Variants in RBMS3 observed in about 807,000 individuals in gnomAD.
The protein encoded by RBMS3 is RNA binding motif single stranded interacting protein 3, also known as RNA-binding motif, single-stranded-interacting protein 3.
RBMS3 carries 27 observed loss-of-function variants against 66.8 expected under a neutral mutation model. The ratio of observed to expected loss-of-function variants is 0.40; its 90% CI spans 0.30 to 0.56. RBMS3 has a LOEUF of 0.56. Ranked by LOEUF, RBMS3 falls within the 20% of genes least tolerant of loss-of-function variation. The pLI, the probability that RBMS3 is intolerant of heterozygous loss-of-function variation, is 0.40. For missense variants in RBMS3, 513 were observed against 549.5 expected (o/e 0.93, Z 0.66); for synonymous variants, 188 against 183.0 (o/e 1.03, Z -0.22).
At chr3:29,714,149 G>A (rs2053291579) in intron 4 of RBMS3, among the ~76,000 whole-genome samples, 1 of 140,278 alleles carries the variant, frequency 7.1e-6, no homozygotes, top group South Asian at 2.1e-4. Flanking sequence ...CTAGGGGCTG[G>A]GGCCATATCA....
intron 1 of RBMS3, among the ~76,000 whole-genome samples, chr3:29,343,954 A>G (rs924043369): frequency 2.0e-5 from 3 of 152,176 alleles, no homozygotes; most frequent in African/African-American, 7.2e-5. Flanking sequence ...CAGTGTTTTC[A>G]TTTTACAGAT....
At chr3:29,701,915 A>G (rs1437383218) in intron 4 of RBMS3, among the ~76,000 whole-genome samples, 1 of 152,088 alleles carries the variant, frequency 6.6e-6, no homozygotes, top group African/African-American at 2.4e-5. Context: ...CCAAAGGCTG[A>G]GGAGTGCAGG....
chr3:29,862,640 C>T (rs569799940), intron 6 of RBMS3, among the ~76,000 whole-genome samples: 1 of 151,770 alleles, frequency 6.6e-6, no homozygotes, highest in Non-Finnish European at 1.5e-5. Context: ...GGGGGCAGTT[C>T]GGAAAAGAAA....
At chr3:29,531,263 A>G (rs1169278249) in intron 3 of RBMS3, among the ~76,000 whole-genome samples, 1 of 152,240 alleles carries the variant, frequency 6.6e-6, no homozygotes, top group Non-Finnish European at 1.5e-5. Context: ...AACCAAGTGT[A>G]CTGAATCAGA....
At chr3:29,308,827 G>C (rs909427362) in intron 1 of RBMS3, among the ~76,000 whole-genome samples, 1 of 148,402 alleles carries the variant, frequency 6.7e-6, no homozygotes, top group Non-Finnish European at 1.5e-5. Flanking sequence ...AAGAAAGCTT[G>C]ATTTTGGAAG....
chr3:29,828,992 T>TTC (rs2058284462), intron 6 of RBMS3, among the ~76,000 whole-genome samples: 1 of 54,376 alleles, frequency 1.8e-5, no homozygotes, highest in South Asian at 4.2e-4. Flanking sequence ...CTTTCTTTCT[T>TTC]TCTTTCTTTC....
At chr3:29,566,634 CAAAA>C (rs11445860) in intron 3 of RBMS3, among the ~76,000 whole-genome samples, 12,057 of 119,920 alleles carry the variant, frequency 0.1, 536 homozygotes, top group African/African-American at 0.13. Flanking sequence ...AAGCAAAATG[CAAAA>C]AAAAAAAAAA....
chr3:29,639,656 A>G (rs2049619831), intron 4 of RBMS3, among the ~76,000 whole-genome samples: 1 of 151,668 alleles, frequency 6.6e-6, no homozygotes, highest in South Asian at 2.1e-4. Flanking sequence ...ATAAATAAAA[A>G]GTGTCACTGT....
In RBMS3 at chr3:30,004,398, T is replaced by C. The variant is rs893662246; in HGVS notation, c.*536T>C. ...ATCTTGAATCTTAATTGCCTTAATT[T>C]TAAGGACGTCAAAGGCTCTCGAGGC... On this transcript the variant is annotated 3_prime_UTR_variant, in exon 15 of 15. Transcript: ENST00000383767. The C allele has an allele frequency of 6.6e-6, 1 of 152,172 alleles. No homozygotes were observed. The highest frequency in any genetic ancestry group is 2.4e-5 in the African/African-American group (1 of 41,360). 9.4% of individuals were successfully genotyped at this position (152,172 alleles called of 1,614,324 possible). A position where few individuals can be genotyped will look rare whatever the true frequency, so the allele number is the denominator to read the frequency against.
intron 4 of RBMS3, among the ~76,000 whole-genome samples, chr3:29,718,328 CT>C (rs1443125698): frequency 2.6e-5 from 4 of 151,624 alleles, no homozygotes; most frequent in Non-Finnish European, 5.9e-5. Flanking sequence ...AATGATACTG[CT>C]TTTTTTTCTT....
At chr3:29,867,324 A>G (rs1185412083) in intron 6 of RBMS3, among the ~76,000 whole-genome samples, 1 of 151,798 alleles carries the variant, frequency 6.6e-6, no homozygotes, top group Non-Finnish European at 1.5e-5. Context: ...CAATTGTAAC[A>G]TCTTAGTGGC....
chr3:29,379,018 G>C (rs78454266), intron 1 of RBMS3, among the ~76,000 whole-genome samples: 1 of 152,142 alleles, frequency 6.6e-6, no homozygotes, highest in Non-Finnish European at 1.5e-5. Context: ...TGTCTGCAGA[G>C]AGATTTTCCT....
chr3:29,584,719 T>C (rs1254802932), intron 3 of RBMS3, among the ~76,000 whole-genome samples: 1 of 152,140 alleles, frequency 6.6e-6, no homozygotes, highest in East Asian at 1.9e-4. Flanking sequence ...TTCTTTCCAG[T>C]TCAGTCAATC....
intron 6 of RBMS3, 55 bp downstream of exon 6, chr3:29,763,044 T>TTAGA: frequency 1.7e-6 from 2 of 1,210,294 alleles, no homozygotes; most frequent in Non-Finnish European, 2.4e-6. Flanking sequence ...ATTGCTCTTA[T>TTAGA]TAGAATAAGT....
At chr3:29,360,856 A>G (rs1326830696) in intron 1 of RBMS3, among the ~76,000 whole-genome samples, 2 of 151,904 alleles carry the variant, frequency 1.3e-5, no homozygotes, top group Admixed American at 1.3e-4. Flanking sequence ...TTCATCAGAG[A>G]CTAGGATTGC....
intron 14 of RBMS3, among the ~76,000 whole-genome samples, chr3:29,995,400 G>A (rs1699158127): frequency 6.6e-6 from 1 of 152,114 alleles, no homozygotes; most frequent in Non-Finnish European, 1.5e-5. Context: ...TTCAGATTCA[G>A]GAAATACAGA....
intron 13 of RBMS3, among the ~76,000 whole-genome samples, chr3:29,988,937 T>A (rs1313143474): frequency 6.6e-6 from 1 of 152,204 alleles, no homozygotes; most frequent in South Asian, 2.1e-4. Flanking sequence ...TTCTGCACAT[T>A]TGAATTATTT....
At chr3:29,906,053 A>AT (rs1006025086) in intron 10 of RBMS3, among the ~76,000 whole-genome samples, 1 of 152,048 alleles carries the variant, frequency 6.6e-6, no homozygotes, top group African/African-American at 2.4e-5. Context: ...ACAACATTGA[A>AT]TTTTTCTATA....
At chr3:29,323,726 A>ACACACACCCC (rs71091051) in intron 1 of RBMS3, among the ~76,000 whole-genome samples, 1 of 140,604 alleles carries the variant, frequency 7.1e-6, no homozygotes, top group African/African-American at 2.7e-5. Context: ...ACACACACAC[A>ACACACACCCC]CCCCTTGGAC....
Sources: allele counts gnomAD v4.1 joint callset (sites outside exome capture counted in the v4.1 genomes callset), GRCh38; gene constraint gnomAD v4.1.1; transcripts MANE v1.5; gene names NCBI Gene and HGNC (gene_info 2026-07-23, HGNC 2026-07-21).